The following PIK3R3 variants were observed in gnomAD, a reference collection of about 807,000 sequenced individuals.
The protein encoded by PIK3R3 is phosphoinositide-3-kinase regulatory subunit 3.
In PIK3R3, 64 loss-of-function variants were observed where a neutral mutation model predicts 62.9. That is an observed-to-expected ratio of 1.02 (90% CI 0.83 to 1.25). PIK3R3 has a LOEUF of 1.25. Among genes scored for constraint, PIK3R3 ranks in the 50% most tolerant of loss-of-function variants. The pLI, the probability that PIK3R3 is intolerant of heterozygous loss-of-function variation, is 0.00. For missense variants in PIK3R3, 614 were observed against 561.6 expected (o/e 1.09, Z -0.94); for synonymous variants, 165 against 189.0 (o/e 0.87, Z 1.04).
chr1:46,129,787 G>A (rs1655420088), intron 1 of PIK3R3, among the ~76,000 whole-genome samples: 1 of 152,134 alleles, frequency 6.6e-6, no homozygotes, highest in Non-Finnish European at 1.5e-5. Context: ...ATACTCAAGT[G>A]TGCTTCGTTT....
rs1317208640 is a variant in PIK3R3 at position 46,115,091 on chromosome 1, T to A, written c.106+16756A>T. On this transcript the variant is annotated intron_variant, in intron 1 of 9. Transcript: ENST00000262741. Reference sequence around the variant, plus strand: ...CACTGTATTTGTAGGAAGCATCTACTTTCTCTCCAGGAATGAGGAAACATA... The same window carrying A: ...CACTGTATTTGTAGGAAGCATCTACATTCTCTCCAGGAATGAGGAAACATA... Among the ~76,000 whole-genome samples the A allele has an allele frequency of 2.6e-5, 4 of 152,118 alleles. No individual in the cohort carries two copies. In the East Asian group the frequency reaches 7.7e-4, roughly 29 times the overall value.
chr1:46,041,406 G>C lies in PIK3R3; in HGVS notation c.*2267C>G. 1 of 173,062 alleles carries C rather than the reference G, an allele frequency of 5.8e-6. No homozygotes were observed. 10.7% of individuals were successfully genotyped at this position (173,062 alleles called of 1,614,324 possible). Reference sequence around the variant, plus strand: ...TGAAGGAATGTAGGACTGAAAAAAAGCAGCCCTTCTCCACAAGCCAGCCCA... The same window carrying C: ...TGAAGGAATGTAGGACTGAAAAAAACCAGCCCTTCTCCACAAGCCAGCCCA... On this transcript the variant is annotated 3_prime_UTR_variant, in exon 10 of 10. Coordinates refer to ENST00000262741, the MANE Select transcript of PIK3R3 (RefSeq NM_003629.4).
At chr1:46,146,853 C>G in the PIK3R3 span, among the ~76,000 whole-genome samples, 6 of 152,074 alleles carry the variant, frequency 3.9e-5, no homozygotes, top group African/African-American at 1.4e-4. Context: ...CCACCATAAG[C>G]CTGGTATTCA....
intron 2 of PIK3R3, among the ~76,000 whole-genome samples, chr1:46,078,156 C>G (rs149077988): frequency 6.6e-6 from 1 of 152,086 alleles, no homozygotes; most frequent in East Asian, 1.9e-4. Context: ...CATAAAAGAC[C>G]CTTGAATCAT....
At position 46,046,560 on chromosome 1, in the gene PIK3R3, T is replaced by A; in HGVS notation, c.1007A>T (p.Asp336Val). ...LNVWLGIKNE[D>V]ADENYFINEE... ...TATAGAGAGAACTTACTCATCAGCA[T>A]CCTCATTCTTAATTCCCAGCCAGAC... is the stretch of plus-strand genomic sequence containing the variant. The change falls in exon 8 of 10, where the codon GAT (aspartate) becomes GTT (valine). Residue 336 changes from aspartate to valine, a missense_variant. Coordinates refer to ENST00000262741, the MANE Select transcript of PIK3R3 (RefSeq NM_003629.4). 6.2e-7 allele frequency: 1 copy of A among 1,609,678 alleles called. No homozygotes were observed. The highest frequency in any genetic ancestry group is 1.1e-5 in the South Asian group (1 of 90,972).
chr1:46,165,081 A>G, the PIK3R3 span, among the ~76,000 whole-genome samples: 1 of 151,858 alleles, frequency 6.6e-6, no homozygotes, highest in African/African-American at 2.4e-5. Flanking sequence ...CAGTCTCCCG[A>G]GTAACTTCCT....
At chr1:46,148,721 G>A in the PIK3R3 span, among the ~76,000 whole-genome samples, 1 of 150,908 alleles carries the variant, frequency 6.6e-6, no homozygotes, top group Non-Finnish European at 1.5e-5. Context: ...AAGAACCATT[G>A]TTCGTGCTTC....
intron 6 of PIK3R3, chr1:46,057,018 C>G (rs544410415): frequency 9.9e-5 from 15 of 152,262 alleles, no homozygotes; most frequent in African/African-American, 3.1e-4. Context: ...GTGCCCTCAC[C>G]CAAATCTCAT....
intron 6 of PIK3R3, among the ~76,000 whole-genome samples, chr1:46,059,029 T>C (rs539230648): frequency 6.6e-6 from 1 of 152,364 alleles, no homozygotes; most frequent in South Asian, 2.1e-4. Flanking sequence ...AACTGAATCA[T>C]GGAGGCGGTT....
the PIK3R3 span, among the ~76,000 whole-genome samples, chr1:46,146,533 A>G: frequency 3.3e-5 from 5 of 152,118 alleles, no homozygotes; most frequent in Non-Finnish European, 4.4e-5. Context: ...CCAAAATGGG[A>G]AAGGTGTTCA....
At chr1:46,172,019 G>A in the PIK3R3 span, among the ~76,000 whole-genome samples, 2 of 152,160 alleles carry the variant, frequency 1.3e-5, no homozygotes, top group Admixed American at 6.5e-5. Flanking sequence ...TGCCAAACCC[G>A]ATTTTCCAGT....
At chr1:46,158,038 AC>A in the PIK3R3 span, among the ~76,000 whole-genome samples, 1 of 151,844 alleles carries the variant, frequency 6.6e-6, no homozygotes, top group African/African-American at 2.4e-5. Flanking sequence ...TTCTATCATC[AC>A]TTCTCTCCAT....
chr1:46,170,365 C>T, the PIK3R3 span, among the ~76,000 whole-genome samples: 1 of 152,232 alleles, frequency 6.6e-6, no homozygotes, highest in Non-Finnish European at 1.5e-5. Context: ...TCTTCAGGAA[C>T]CAGAAATGTG....
At chr1:46,090,344 A>ATTTT (rs1335512705) in intron 1 of PIK3R3, among the ~76,000 whole-genome samples, 11 of 106,988 alleles carry the variant, frequency 1.0e-4, no homozygotes, top group African/African-American at 2.5e-4. Flanking sequence ...TTATTTATTT[A>ATTTT]TTTTTTTGAG....
chr1:46,063,335 G>C lies in PIK3R3; in HGVS notation c.622-1264C>G, dbSNP rs144032064. Among the ~76,000 whole-genome samples, 19 of 152,308 alleles carry C rather than the reference G, an allele frequency of 1.2e-4. No homozygotes were observed. In the East Asian group the frequency reaches 2.9e-3, roughly 23 times the overall value. On this transcript the variant is annotated intron_variant, in intron 5 of 9. Coordinates refer to ENST00000262741, the MANE Select transcript of PIK3R3 (RefSeq NM_003629.4). ...AACATTAGAGGATTAGCAGATGAGG[G>C]AGGCTGGAACCTTGTGATAGTCCAT...
Position 46,067,063 on chromosome 1 carries a change from T to A in PIK3R3, c.343A>T (p.Ile115Phe), listed in dbSNP as rs755583771. The A allele has an allele frequency of 1.3e-6, 2 of 1,589,618 alleles. No individual in the cohort carries two copies. Among genetic ancestry groups the A allele is most frequent in the South Asian group, 2.3e-5 (2 of 87,588 alleles). The part of the protein sequence containing the change: ...RKGGNNKLIK[I>F]YHRDGKYGFS... ...CCATATTTACCATCCCGGTGATAGA[T>A]CTTTATTAACTTATTATTGCCTCCC... Residue 115 changes from isoleucine (I) to phenylalanine (F), a missense_variant, in exon 4 of 10, where the codon ATC becomes TTC. Physicochemically the swap from Ile to Phe is conservative, Grantham distance 21. Coordinates refer to ENST00000262741, the MANE Select transcript of PIK3R3 (RefSeq NM_003629.4).
the PIK3R3 span, among the ~76,000 whole-genome samples, chr1:46,154,544 G>A: frequency 2.6e-5 from 4 of 152,096 alleles, no homozygotes; most frequent in African/African-American, 9.7e-5. Context: ...ACTCCAGCCT[G>A]GGTGACAGAG....
At chr1:46,143,683 A>G in the PIK3R3 span, among the ~76,000 whole-genome samples, 1 of 151,766 alleles carries the variant, frequency 6.6e-6, no homozygotes, top group African/African-American at 2.4e-5. Flanking sequence ...GGGTCTCACC[A>G]TGTTGCCCAG....
At position 46,040,625 on chromosome 1, in the gene PIK3R3, G is replaced by T; in HGVS notation, c.*3048C>A. On this transcript the variant is annotated 3_prime_UTR_variant, in exon 10 of 10. Coordinates refer to ENST00000262741, the MANE Select transcript of PIK3R3 (RefSeq NM_003629.4). Reference sequence around the variant, plus strand: ...GCCTCACAGAGGCCTACTCTGGGTTGTTAAATAGCAGCAGAGACCACCTTA... The same window carrying T: ...GCCTCACAGAGGCCTACTCTGGGTTTTTAAATAGCAGCAGAGACCACCTTA... The T allele has an allele frequency of 4.5e-6, 1 of 220,698 alleles. No homozygotes were observed. Among genetic ancestry groups the T allele is most frequent in the East Asian group, 6.6e-5 (1 of 15,204 alleles). The allele number at this position is 220,698 out of a possible 1,614,324, so 13.7% of individuals were successfully genotyped here. A position where few individuals can be genotyped will look rare whatever the true frequency, so the allele number is the denominator to read the frequency against.
Sources: gnomAD v4.1 joint callset for allele counts (sites outside exome capture counted in the v4.1 genomes callset) on GRCh38, gnomAD v4.1.1 for gene constraint, MANE v1.5 for transcripts, NCBI Gene and HGNC (gene_info 2026-07-23, HGNC 2026-07-21) for gene names.